CPLX2: variants seen among roughly 807,000 people sequenced by gnomAD.
CPLX2 encodes complexin 2, also known as complexin-2.
A neutral mutation model predicts 16.3 loss-of-function variants in CPLX2; 5 were observed. The observed-to-expected ratio is 0.31, with a 90% CI of 0.16 to 0.64. The LOEUF (loss-of-function observed/expected upper bound fraction) is 0.64, where lower values mean the gene tolerates loss of function less well. Ranked by LOEUF, CPLX2 falls within the 30% of genes least tolerant of loss-of-function variation. The pLI is 0.79. For missense variants in CPLX2, 144 were observed against 181.4 expected (o/e 0.79, Z 1.18); for synonymous variants, 89 against 73.2 (o/e 1.22, Z -1.10).
At chr5:175,865,157 C>T (rs1476306406) in intron 2 of CPLX2, among the ~76,000 whole-genome samples, 1 of 152,178 alleles carries the variant, frequency 6.6e-6, no homozygotes, top group Non-Finnish European at 1.5e-5. Context: ...CACTCTTTCT[C>T]TTTCTTTCAT....
At chr5:175,798,920 C>T (rs1237773222) in intron 1 of CPLX2, among the ~76,000 whole-genome samples, 2 of 152,202 alleles carry the variant, frequency 1.3e-5, no homozygotes, top group Non-Finnish European at 2.9e-5. Context: ...ATCAGTACAA[C>T]TTCTGCCATG....
rs182901908 is a variant in CPLX2 at position 175,835,242 on chromosome 5, G to T, written c.-89+26174G>T. Among the ~76,000 whole-genome samples, 7 of 152,294 alleles carry T rather than the reference G, an allele frequency of 4.6e-5. No individual in the cohort carries two copies. The East Asian group carries it at 1.3e-3, about 29-fold the overall frequency. On this transcript the variant is annotated intron_variant, in intron 2 of 4. Coordinates refer to the CPLX2 transcript ENST00000359546. ...CTGGAGCAGCTAAAACAAGAAAAAG[G>T]TTGGAAAACACAACATTGAGAAATA...
At chr5:175,832,495 G>A (rs1758753057) in intron 2 of CPLX2, among the ~76,000 whole-genome samples, 1 of 152,214 alleles carries the variant, frequency 6.6e-6, no homozygotes, top group South Asian at 2.1e-4. Flanking sequence ...GTTGGAAACT[G>A]CTGCTTCTGC....
At chr5:175,814,495 G>A (rs186431039) in intron 2 of CPLX2, among the ~76,000 whole-genome samples, 21 of 152,298 alleles carry the variant, frequency 1.4e-4, no homozygotes, top group Admixed American at 9.2e-4. Context: ...ATTATCCAGC[G>A]GGGGCAGGAA....
In CPLX2 at chr5:175,883,897, G is replaced by A. The variant is rs936785949; in HGVS notation, c.*3852G>A. On this transcript the variant is annotated 3_prime_UTR_variant, in exon 4 of 4. Coordinates refer to ENST00000393745, the MANE Select transcript of CPLX2 (RefSeq NM_001008220.2). ...GTGTCAGTGCCTGGGGGGAGGGGAGGAGCACCCCCTCAGCCCCCCTGAACC... is the reference window on the plus strand; with the variant it reads ...GTGTCAGTGCCTGGGGGGAGGGGAGAAGCACCCCCTCAGCCCCCCTGAACC... The A allele has an allele frequency of 1.3e-5, 2 of 152,738 alleles. No individual in the cohort carries two copies. The highest frequency in any genetic ancestry group is 2.4e-5 in the African/African-American group (1 of 41,388). The allele number at this position is 152,738 out of a possible 1,614,324, so 9.5% of individuals were successfully genotyped here. A position where few individuals can be genotyped will look rare whatever the true frequency, so the allele number is the denominator to read the frequency against.
intron 2 of CPLX2, among the ~76,000 whole-genome samples, chr5:175,843,405 G>T (rs962285408): frequency 1.3e-5 from 2 of 152,210 alleles, no homozygotes; most frequent in Non-Finnish European, 2.9e-5. Context: ...CACACACAGC[G>T]CTGTGCATGC....
At chr5:175,871,410 G>GACA (rs1289417318), upstream of CPLX2, 1 of 28,682 alleles carries the variant, frequency 3.5e-5, no homozygotes, top group Non-Finnish European at 6.4e-5. Flanking sequence ...AAGAGAGAGA[G>GACA]GAGAGAGAGA....
At chr5:175,807,170 C>T (rs112472597) in intron 1 of CPLX2, among the ~76,000 whole-genome samples, 18 of 152,224 alleles carry the variant, frequency 1.2e-4, no homozygotes, top group African/African-American at 1.2e-4. Context: ...TAAGGAATGA[C>T]GCTCCATTCT....
intron 1 of CPLX2, among the ~76,000 whole-genome samples, chr5:175,804,573 C>T (rs1561767896): frequency 1.3e-5 from 2 of 152,182 alleles, no homozygotes; most frequent in Admixed American, 1.3e-4. Context: ...TGGTTAAAGT[C>T]CTCTAGCGCC....
chr5:175,802,823 CT>C (rs371097712), intron 1 of CPLX2, among the ~76,000 whole-genome samples: 28 of 151,514 alleles, frequency 1.8e-4, no homozygotes, highest in African/African-American at 6.5e-4. Flanking sequence ...TCCTTCCTTT[CT>C]TTTTTTTTAT....
chr5:175,839,531 C>T (rs1308148013), intron 2 of CPLX2, among the ~76,000 whole-genome samples: 5 of 152,182 alleles, frequency 3.3e-5, no homozygotes, highest in African/African-American at 4.8e-5. Flanking sequence ...GTGATCCGCC[C>T]ACCTCAGCCT....
chr5:175,823,251 C>T (rs1227891859), intron 2 of CPLX2, among the ~76,000 whole-genome samples: 1 of 152,108 alleles, frequency 6.6e-6, no homozygotes, highest in Non-Finnish European at 1.5e-5. Flanking sequence ...TTGACAAATG[C>T]CAGACCCTTA....
At chr5:175,870,349 G>A (rs546839412), upstream of CPLX2, among the ~76,000 whole-genome samples, 4 of 152,258 alleles carry the variant, frequency 2.6e-5, no homozygotes, top group Non-Finnish European at 1.5e-5. Flanking sequence ...CTGTGATCGT[G>A]TGTGAAGGGA....
chr5:175,824,179 T>G lies in CPLX2; in HGVS notation c.-89+15111T>G, dbSNP rs1758565039. Among the ~76,000 whole-genome samples the G allele has an allele frequency of 1.3e-5, 2 of 152,236 alleles. 1 individual carries two copies. The highest frequency in any genetic ancestry group is 1.3e-4 in the Admixed American group (2 of 15,286). On this transcript the variant is annotated intron_variant, in intron 2 of 4. Transcript: ENST00000359546. ...CCCTCTTGACTTCAGTGGATTTGACTTTTTAAAGATTCTGTTTCCCAAACA... is the reference window on the plus strand; with the variant it reads ...CCCTCTTGACTTCAGTGGATTTGACGTTTTAAAGATTCTGTTTCCCAAACA...
In CPLX2 at chr5:175,878,997, C is replaced by A; in HGVS notation, c.121C>A (p.Leu41Met). 1 of 1,599,496 alleles carries A rather than the reference C, an allele frequency of 6.3e-7. No individual in the cohort carries two copies. The highest frequency in any genetic ancestry group is 1.3e-5 in the African/African-American group (1 of 74,392). Reference protein sequence around the residue: ...QKKEEERQEALRQQEEERKAK... With the variant: ...QKKEEERQEAMRQQEEERKAK... ...AAAGGAGGAGGAGCGGCAGGAGGCG[C>A]TGCGGCAGCAGGAGGAGGAGCGTAA... The change falls in exon 3 of 4, where the codon CTG becomes ATG. Residue 41 changes from leucine to methionine, a missense_variant. By Grantham distance (15) the Leu-to-Met change is conservative. Transcript: ENST00000393745.
intron 2 of CPLX2, among the ~76,000 whole-genome samples, chr5:175,821,826 G>A (rs1406814802): frequency 6.6e-6 from 1 of 152,224 alleles, no homozygotes; most frequent in African/African-American, 2.4e-5. Flanking sequence ...AATCAAAGAT[G>A]AGTAAGACAT....
chr5:175,817,411 T>C (rs1018597537), intron 2 of CPLX2, among the ~76,000 whole-genome samples: 2 of 152,162 alleles, frequency 1.3e-5, no homozygotes, highest in Admixed American at 1.3e-4. Context: ...ATGCGTAATG[T>C]CCTAACGCAC....
At chr5:175,840,098 A>AT (rs912597781) in intron 2 of CPLX2, among the ~76,000 whole-genome samples, 34 of 151,690 alleles carry the variant, frequency 2.2e-4, no homozygotes, top group African/African-American at 7.0e-4. Context: ...AACAAAGGTG[A>AT]TTTTTTTTTC....
rs1280998440 is a variant in CPLX2 at position 175,830,804 on chromosome 5, G to C, written c.-89+21736G>C. Among the ~76,000 whole-genome samples the C allele has an allele frequency of 6.6e-6, 1 of 152,210 alleles. No homozygotes were observed. Among genetic ancestry groups the C allele is most frequent in the African/African-American group, 2.4e-5 (1 of 41,452 alleles). On this transcript the variant is annotated intron_variant, in intron 2 of 4. Coordinates refer to the CPLX2 transcript ENST00000359546. This position sits in a 1 kb window ranked among gnomAD's most constrained non-coding sequence, Gnocchi z 4.0. ...CAGCGTTCACCCTGCTCACAGCTCA[G>C]CCAAGAAGCCCAGATCTGGGAAGGA...
Sources: allele counts gnomAD v4.1 joint callset (sites outside exome capture counted in the v4.1 genomes callset), GRCh38; gene constraint gnomAD v4.1.1; non-coding constraint Gnocchi (gnomAD v3.1); transcripts MANE v1.5; gene names NCBI Gene and HGNC (gene_info 2026-07-23, HGNC 2026-07-21).